CERS6: variants seen among roughly 807,000 people sequenced by gnomAD.
CERS6 encodes LAG1 homolog, ceramide synthase 6.
CERS6 carries 26 observed loss-of-function variants against 56.8 expected under a neutral mutation model. The ratio of observed to expected loss-of-function variants is 0.46; its 90% CI spans 0.34 to 0.63. CERS6 has a LOEUF of 0.63. Ranked by LOEUF, CERS6 falls within the 30% of genes least tolerant of loss-of-function variation. The pLI is 0.01. For missense variants in CERS6, 415 were observed against 467.5 expected, an observed-to-expected ratio of 0.89 and a Z score of 1.04; for synonymous variants, 164 against 173.3, an observed-to-expected ratio of 0.95 and a Z score of 0.42.
chr2:168,631,539 ATATAT>A (rs1368999280), intron 4 of CERS6, among the ~76,000 whole-genome samples: 1 of 119,088 alleles, frequency 8.4e-6, no homozygotes, highest in African/African-American at 3.3e-5. Flanking sequence ...TACATATTAA[ATATAT>A]TATATTTTTA....
intron 8 of CERS6, among the ~76,000 whole-genome samples, chr2:168,743,655 A>G (rs1683996138): frequency 6.6e-6 from 1 of 152,234 alleles, no homozygotes; most frequent in Non-Finnish European, 1.5e-5. Context: ...ACATCTTAGG[A>G]AACTTGATGG....
intron 6 of CERS6, among the ~76,000 whole-genome samples, chr2:168,699,959 ACTAAGCTGCTGTTTGGCTTCAAGGC>A (rs1169417159): frequency 6.6e-6 from 1 of 152,204 alleles, no homozygotes; most frequent in Non-Finnish European, 1.5e-5. Flanking sequence ...GTCCCTTTTA[ACTAAGCTGCTGTTTGGCTTCAAGGC>A]CTGGGCCTTT....
chr2:168,486,584 A>G (rs181932712), intron 1 of CERS6, among the ~76,000 whole-genome samples: 21 of 149,984 alleles, frequency 1.4e-4, no homozygotes, highest in Admixed American at 9.6e-4. Context: ...TGAAAAGACA[A>G]TCGTTTTTCC....
intron 1 of CERS6, among the ~76,000 whole-genome samples, chr2:168,527,377 T>C (rs148960047): frequency 1.7e-3 from 261 of 152,332 alleles, no homozygotes; most frequent in Middle Eastern, 0.017. Context: ...CATATTATTA[T>C]CACCCAAAGT....
intron 4 of CERS6, among the ~76,000 whole-genome samples, chr2:168,641,542 T>C (rs16855632): frequency 0.016 from 2,511 of 152,280 alleles, 66 homozygotes; most frequent in African/African-American, 0.057. Flanking sequence ...TCCTCACCTT[T>C]ACCTAAAACC....
intron 1 of CERS6, among the ~76,000 whole-genome samples, chr2:168,534,663 A>G (rs537447760): frequency 2.1e-4 from 32 of 152,248 alleles, no homozygotes; most frequent in Admixed American, 2.0e-3. Flanking sequence ...TCACTCCTGT[A>G]TAGGGTTCCT....
At chr2:168,477,598 G>A (rs1042076303) in intron 1 of CERS6, among the ~76,000 whole-genome samples, 1 of 152,186 alleles carries the variant, frequency 6.6e-6, no homozygotes, top group East Asian at 1.9e-4. Flanking sequence ...GCTATTAAAA[G>A]CAATGTCACA....
At chr2:168,630,680 C>T (rs1684695099) in intron 3 of CERS6, among the ~76,000 whole-genome samples, 1 of 152,064 alleles carries the variant, frequency 6.6e-6, no homozygotes, top group African/African-American at 2.4e-5. Context: ...AATCATATCC[C>T]TTCATGAGTG....
rs150417850 is a variant in CERS6 at position 168,710,198 on chromosome 2, T to C, written c.610-4803T>C. 2.9e-3 allele frequency among the ~76,000 whole-genome samples: 444 copies of C among 152,340 alleles called. 3 individuals carry two copies. The highest frequency in any genetic ancestry group is 5.1e-3 in the Non-Finnish European group (345 of 68,020). On this transcript the variant is annotated intron_variant, in intron 6 of 9. Coordinates refer to ENST00000305747, the MANE Select transcript of CERS6 (RefSeq NM_203463.3). Reference sequence around the variant, plus strand: ...GAGCCGTGCTGTATTGGCAAGGCCATTGGGTTGTTTACTGATGTTATATCA... The same window carrying C: ...GAGCCGTGCTGTATTGGCAAGGCCACTGGGTTGTTTACTGATGTTATATCA...
chr2:168,627,109 A>G (rs888153501), intron 3 of CERS6, among the ~76,000 whole-genome samples: 1 of 152,228 alleles, frequency 6.6e-6, no homozygotes, highest in African/African-American at 2.4e-5. Context: ...TATTTCTGTT[A>G]TCAAAAGAAG....
intron 8 of CERS6, among the ~76,000 whole-genome samples, chr2:168,751,880 G>A (rs549110949): frequency 4.6e-5 from 7 of 152,100 alleles, no homozygotes; most frequent in South Asian, 2.1e-4. Flanking sequence ...TTTGCTTTCC[G>A]GCCTGTACAT....
intron 8 of CERS6, among the ~76,000 whole-genome samples, chr2:168,722,666 A>G (rs1190132852): frequency 6.6e-6 from 1 of 152,104 alleles, no homozygotes; most frequent in Non-Finnish European, 1.5e-5. Flanking sequence ...ACTATATTTT[A>G]TCTGTGGCCT....
At chr2:168,752,671 G>A (rs1237393236) in intron 8 of CERS6, among the ~76,000 whole-genome samples, 1 of 152,184 alleles carries the variant, frequency 6.6e-6, no homozygotes, top group Non-Finnish European at 1.5e-5. Flanking sequence ...GATCTCCGTA[G>A]CCATTACTAT....
rs142722430 is a variant in CERS6 at position 168,767,574 on chromosome 2, C to A, written c.1002+1826C>A. On this transcript the variant is annotated intron_variant, in intron 9 of 9. Transcript: ENST00000305747. ...CTGTGTGAGTTCAGTCCCATCTCAA[C>A]GGGTATTGGAGTGAGGTTCACTTTT... Among the ~76,000 whole-genome samples the A allele has an allele frequency of 1.2e-4, 19 of 152,236 alleles. 1 individual carries two copies. The East Asian group carries it at 3.7e-3, about 29-fold the overall frequency.
intron 8 of CERS6, among the ~76,000 whole-genome samples, chr2:168,765,115 A>G (rs1247960178): frequency 1.3e-5 from 2 of 152,244 alleles, no homozygotes; most frequent in East Asian, 3.8e-4. Flanking sequence ...CAAATACTAT[A>G]TGAATCTACT....
chr2:168,493,490 C>T (rs887011932), intron 1 of CERS6, among the ~76,000 whole-genome samples: 11 of 152,184 alleles, frequency 7.2e-5, no homozygotes, highest in African/African-American at 1.4e-4. Context: ...TTAACCACTG[C>T]GCTCTATAAA....
At chr2:168,618,033 C>T (rs1684361256) in intron 3 of CERS6, among the ~76,000 whole-genome samples, 2 of 152,164 alleles carry the variant, frequency 1.3e-5, no homozygotes, top group South Asian at 4.1e-4. Flanking sequence ...GATAATCCAG[C>T]ATAATCAAGT....
At chr2:168,709,378 CT>C (rs1183860909) in intron 6 of CERS6, among the ~76,000 whole-genome samples, 5 of 152,116 alleles carry the variant, frequency 3.3e-5, no homozygotes, top group African/African-American at 1.2e-4. Flanking sequence ...TTATTTGAGA[CT>C]TCTAATGAAG....
At chr2:168,651,495 AT>A (rs1685339124) in intron 4 of CERS6, among the ~76,000 whole-genome samples, 1 of 152,222 alleles carries the variant, frequency 6.6e-6, no homozygotes, top group Non-Finnish European at 1.5e-5. Context: ...AGACTGGGTG[AT>A]TTATAAAGAA....
Sources: gnomAD v4.1 joint callset for allele counts (sites outside exome capture counted in the v4.1 genomes callset) on GRCh38, gnomAD v4.1.1 for gene constraint, MANE v1.5 for transcripts, NCBI Gene and HGNC (gene_info 2026-07-23, HGNC 2026-07-21) for gene names.